PACSIN1: variants seen among roughly 807,000 people sequenced by gnomAD.
PACSIN1 encodes protein kinase C and casein kinase substrate in neurons 1.
PACSIN1 carries 15 observed loss-of-function variants against 59.5 expected under a neutral mutation model. The ratio of observed to expected loss-of-function variants is 0.25; its 90% CI spans 0.17 to 0.39. The LOEUF (loss-of-function observed/expected upper bound fraction) is 0.39, where lower values mean the gene tolerates loss of function less well. PACSIN1 is among the 10% of genes least tolerant of loss of function. PACSIN1 has a pLI of 1.00. For synonymous variants in PACSIN1, 210 were observed against 220.6 expected, an observed-to-expected ratio of 0.95 and a Z score of 0.42; for missense variants, 420 against 580.2, an observed-to-expected ratio of 0.72 and a Z score of 2.84.
At position 34,481,464 on chromosome 6, in the gene PACSIN1, C is replaced by T. The variant is rs142558355; in HGVS notation, c.-64+15194C>T. Reference sequence around the variant, plus strand: ...TAGGGAGGCCGAGGCGGGAGGATCACGAGGTCAGGAGATTGAGACAACAAT... The same window carrying T: ...TAGGGAGGCCGAGGCGGGAGGATCATGAGGTCAGGAGATTGAGACAACAAT... On this transcript the variant is annotated intron_variant, in intron 1 of 9. Coordinates refer to ENST00000244458, the MANE Select transcript of PACSIN1 (RefSeq NM_020804.5). Among the ~76,000 whole-genome samples, 267 of 152,086 alleles carry T rather than the reference C, an allele frequency of 1.8e-3. 1 individual carries two copies. Among genetic ancestry groups the T allele is most frequent in the Middle Eastern group, 6.8e-3 (2 of 294 alleles).
chr6:34,492,909 G>A (rs980855778), intron 1 of PACSIN1, among the ~76,000 whole-genome samples: 9 of 152,186 alleles, frequency 5.9e-5, no homozygotes, highest in Admixed American at 2.6e-4. Flanking sequence ...AAACCTGCAC[G>A]TGTACTCCTG....
intron 1 of PACSIN1, among the ~76,000 whole-genome samples, chr6:34,467,811 G>A (rs1766519031): frequency 6.6e-6 from 1 of 152,098 alleles, no homozygotes; most frequent in African/African-American, 2.4e-5. Context: ...GCCCACCTTG[G>A]CCTCTCAAAG....
chr6:34,531,654 G>C lies in PACSIN1; in HGVS notation c.1092G>C (p.Glu364Asp). Residue 364 changes from glutamate (E) to aspartate (D), a missense_variant, in exon 9 of 10, where the codon GAG becomes GAC. Physicochemically the swap from Glu to Asp is conservative, Grantham distance 45. Coordinates refer to ENST00000244458, the MANE Select transcript of PACSIN1 (RefSeq NM_020804.5). This position sits in a 1 kb window ranked among gnomAD's most constrained non-coding sequence, Gnocchi z 4.4. ...ACGCCACCGAGTGGTCAGACGACGA[G>C]AGTGGGAACCCCTTTGGGGGCAGTG... ...QPYATEWSDDESGNPFGGSET... is the reference protein window; with the variant it reads ...QPYATEWSDDDSGNPFGGSET... 1 of 1,614,026 alleles carries C rather than the reference G, an allele frequency of 6.2e-7. No individual in the cohort carries two copies. The highest frequency in any genetic ancestry group is 8.5e-7 in the Non-Finnish European group (1 of 1,180,022).
chr6:34,466,668 G>A (rs1044893772), intron 1 of PACSIN1, among the ~76,000 whole-genome samples: 1 of 152,216 alleles, frequency 6.6e-6, no homozygotes, highest in Non-Finnish European at 1.5e-5. Context: ...ATGGATCAGA[G>A]TGGGCTGGGG....
rs571673792 is a variant in PACSIN1 at position 34,498,406 on chromosome 6, T to C, written c.-63-27837T>C. ...GGTTGTTTGGTATTTTGTTATTGAG[T>C]TGTAGAAGTTCTGTATATATTCTGA... On this transcript the variant is annotated intron_variant, in intron 1 of 9. Transcript: ENST00000244458. 3.3e-5 allele frequency among the ~76,000 whole-genome samples: 5 copies of C among 152,062 alleles called. No homozygotes were observed. The South Asian group carries it at 1.0e-3, about 32-fold the overall frequency.
In PACSIN1 at chr6:34,527,432, C is replaced by A. The variant is rs1199462583; in HGVS notation, c.164C>A (p.Ala55Glu). 1 of 1,598,184 alleles carries A rather than the reference C, an allele frequency of 6.3e-7. No homozygotes were observed. The highest frequency in any genetic ancestry group is 1.1e-5 in the South Asian group (1 of 88,092). ...CVQERAKIEKAYGQQLTDWAK... is the reference protein window; with the variant it reads ...CVQERAKIEKEYGQQLTDWAK... ...CAGGAGCGCGCCAAGATCGAGAAGGCGTACGGGCAGCAGCTCACCGACTGG... is the reference window on the plus strand; with the variant it reads ...CAGGAGCGCGCCAAGATCGAGAAGGAGTACGGGCAGCAGCTCACCGACTGG... Residue 55 changes from alanine to glutamate, a missense_variant, in exon 3 of 10, where the codon GCG (alanine) becomes GAG (glutamate). Transcript: ENST00000244458.
intron 1 of PACSIN1, among the ~76,000 whole-genome samples, chr6:34,499,329 T>C (rs1250922483): frequency 6.6e-6 from 1 of 151,594 alleles, no homozygotes; most frequent in African/African-American, 2.4e-5. Flanking sequence ...ACAAGGTTCC[T>C]TGCTCACCAC....
chr6:34,517,687 C>G (rs532152937), intron 1 of PACSIN1, among the ~76,000 whole-genome samples: 1 of 152,230 alleles, frequency 6.6e-6, no homozygotes, highest in African/African-American at 2.4e-5. Context: ...TCAGAATGAC[C>G]TTCTCTGACC....
chr6:34,528,915 G>GGGGGC, intron 4 of PACSIN1, 38 bp downstream of exon 4: 5 of 653,166 alleles, frequency 7.7e-6, no homozygotes, highest in East Asian at 8.7e-5. Flanking sequence ...GGTGGGGTGG[G>GGGGGC]CCCGTCTGAT....
In PACSIN1 at chr6:34,475,022, AC is replaced by A. The variant is rs539035650; in HGVS notation, c.-64+8757del. 1.3e-4 allele frequency among the ~76,000 whole-genome samples: 19 copies of A among 151,452 alleles called. No individual in the cohort carries two copies. In the East Asian group the frequency reaches 3.5e-3, roughly 28 times the overall value. On this transcript the variant is annotated intron_variant, in intron 1 of 9. Coordinates refer to ENST00000244458, the MANE Select transcript of PACSIN1 (RefSeq NM_020804.5). ...TGATGTTCACATCTCCACCCACATC[AC>A]CCCCTCAGAGAGGCCTCCCAGACCA...
intron 1 of PACSIN1, among the ~76,000 whole-genome samples, chr6:34,522,945 T>C (rs1024781552): frequency 6.6e-6 from 1 of 152,226 alleles, no homozygotes; most frequent in African/African-American, 2.4e-5. Flanking sequence ...CCCGCCCACA[T>C]TGCATGAGGG....
At chr6:34,491,973 G>A (rs1191269562) in intron 1 of PACSIN1, among the ~76,000 whole-genome samples, 1 of 152,108 alleles carries the variant, frequency 6.6e-6, no homozygotes, top group African/African-American at 2.4e-5. Context: ...CTAGTGTAAA[G>A]ATGAACATAC....
At position 34,518,635 on chromosome 6, in the gene PACSIN1, G is replaced by A. The variant is rs562817453; in HGVS notation, c.-63-7608G>A. On this transcript the variant is annotated intron_variant, in intron 1 of 9. Transcript: ENST00000244458. This position sits in a 1 kb window ranked among gnomAD's most constrained non-coding sequence, Gnocchi z 4.4. ...ACTGCGGGCAATTCAGCTCACTCCC[G>A]CTGGAGAGCTCTGGGAGGGGTTTTG... Among the ~76,000 whole-genome samples, 5 of 152,312 alleles carry A rather than the reference G, an allele frequency of 3.3e-5. No homozygotes were observed. Among genetic ancestry groups the A allele is most frequent in the Non-Finnish European group, 5.9e-5 (4 of 68,032 alleles).
Position 34,530,428 on chromosome 6 carries a change from C to T in PACSIN1, c.910-32C>T, listed in dbSNP as rs750149970. ...CTGAAAGGTGCCTCAGGGCATAGTC[C>T]CCCAGCCTGACTGCTCCACTGGCCC... On this transcript the variant is annotated intron_variant, in intron 7 of 9. Coordinates refer to ENST00000244458, the MANE Select transcript of PACSIN1 (RefSeq NM_020804.5). This position sits in a 1 kb window ranked among gnomAD's most constrained non-coding sequence, Gnocchi z 4.4. 1 of 1,597,944 alleles carries T rather than the reference C, an allele frequency of 6.3e-7. No individual in the cohort carries two copies. The highest frequency in any genetic ancestry group is 1.7e-5 in the Admixed American group (1 of 59,164).
chr6:34,508,421 T>A (rs1767149212), intron 1 of PACSIN1, among the ~76,000 whole-genome samples: 1 of 151,978 alleles, frequency 6.6e-6, no homozygotes, highest in African/African-American at 2.4e-5. Context: ...ATTTTTTAAA[T>A]TTTCTTTATT....
rs1215958987 is a variant in PACSIN1, at chr6:34,488,246, G to A, written c.-64+21976G>A. ...TTTCCCATCAATACCAGGCAAGGGA[G>A]CACCAAGAGATGTCCCAGGGAATTA... is the stretch of plus-strand genomic sequence containing the variant. On this transcript the variant is annotated intron_variant, in intron 1 of 9. Transcript: ENST00000244458. This position sits in a 1 kb window ranked among gnomAD's most constrained non-coding sequence, Gnocchi z 4.7. 2.0e-5 allele frequency among the ~76,000 whole-genome samples: 3 copies of A among 152,164 alleles called. No homozygotes were observed. The highest frequency in any genetic ancestry group is 4.4e-5 in the Non-Finnish European group (3 of 68,036).
At chr6:34,487,148 G>A (rs1766806868) in intron 1 of PACSIN1, among the ~76,000 whole-genome samples, 1 of 152,192 alleles carries the variant, frequency 6.6e-6, no homozygotes, top group Non-Finnish European at 1.5e-5. Flanking sequence ...TCCAGCCTGG[G>A]TGATGGAGTG....
At chr6:34,484,651 G>A (rs984690596) in intron 1 of PACSIN1, among the ~76,000 whole-genome samples, 2 of 152,136 alleles carry the variant, frequency 1.3e-5, no homozygotes, top group African/African-American at 2.4e-5. Context: ...GCTAACAAAT[G>A]TACCACAGAG....
At chr6:34,466,811 G>T (rs1766503658) in intron 1 of PACSIN1, among the ~76,000 whole-genome samples, 1 of 152,168 alleles carries the variant, frequency 6.6e-6, no homozygotes, top group Non-Finnish European at 1.5e-5. Context: ...ATGCTAAAAG[G>T]CCCCGCAGAT....
Sources: gnomAD v4.1 joint callset for allele counts (sites outside exome capture counted in the v4.1 genomes callset) on GRCh38, gnomAD v4.1.1 for gene constraint, Gnocchi (gnomAD v3.1) non-coding constraint, MANE v1.5 for transcripts, NCBI Gene and HGNC (gene_info 2026-07-23, HGNC 2026-07-21) for gene names.